The following ATOSB variants were observed in gnomAD, a reference collection of about 807,000 sequenced individuals.
The protein encoded by ATOSB is atos homolog B.
the ATOSB span, among the ~76,000 whole-genome samples, chr9:35,114,422 G>T: frequency 6.6e-6 from 1 of 151,732 alleles, no homozygotes; most frequent in African/African-American, 2.4e-5. Context: ...GGGTGGTTGT[G>T]TGAGGAGGCT....
At chr9:35,108,490 G>A in the ATOSB span, 1 of 1,292,232 alleles carries the variant, frequency 7.7e-7, no homozygotes, top group Non-Finnish European at 1.0e-6. Context: ...TCCCTGGATG[G>A]ACTAATGGAA....
chr9:35,115,250 G>GT, the ATOSB span, among the ~76,000 whole-genome samples: 1 of 152,038 alleles, frequency 6.6e-6, no homozygotes, highest in African/African-American at 2.4e-5. Context: ...TCCTCTCTGA[G>GT]TGCCCAGGCC....
the ATOSB span, among the ~76,000 whole-genome samples, chr9:35,115,038 G>T: frequency 6.6e-6 from 1 of 151,680 alleles, no homozygotes; most frequent in Non-Finnish European, 1.5e-5. Context: ...AGAGCATAAG[G>T]GCAGGGCGGG....
chr9:35,105,925 C>T, the ATOSB span: 1 of 1,614,146 alleles, frequency 6.2e-7, no homozygotes, highest in Non-Finnish European at 8.5e-7. This position sits in a 1 kb window ranked among gnomAD's most constrained non-coding sequence, Gnocchi z 5.5. Context: ...CTCCCACTCC[C>T]TCAGGGCAAA....
the ATOSB span, chr9:35,112,202 T>A: frequency 1.3e-5 from 2 of 152,264 alleles, no homozygotes; most frequent in African/African-American, 4.8e-5. Context: ...GATGTTCTTT[T>A]GCCTTCTTTA....
At chr9:35,105,178 G>A in the ATOSB span, 2 of 1,576,510 alleles carry the variant, frequency 1.3e-6, no homozygotes, top group Non-Finnish European at 1.7e-6. This position sits in a 1 kb window ranked among gnomAD's most constrained non-coding sequence, Gnocchi z 5.5. Context: ...GATGGAGCAG[G>A]ATGGGCAGGT....
chr9:35,108,015 GC>G, the ATOSB span: 7 of 1,556,336 alleles, frequency 4.5e-6, no homozygotes, highest in South Asian at 1.2e-5. Flanking sequence ...TCCCTCTCTG[GC>G]CCCCAGCCCA....
the ATOSB span, chr9:35,105,932 C>A: frequency 2.5e-6 from 4 of 1,613,954 alleles, no homozygotes; most frequent in Admixed American, 3.3e-5. This position sits in a 1 kb window ranked among gnomAD's most constrained non-coding sequence, Gnocchi z 5.5. Flanking sequence ...TCCCTCAGGG[C>A]AAACTCACCA....
the ATOSB span, chr9:35,108,150 GC>G: frequency 1.4e-5 from 22 of 1,577,388 alleles, no homozygotes; most frequent in Admixed American, 1.9e-5. Context: ...GGGGGATGTC[GC>G]CCCCCCTGCT....
At chr9:35,109,135 T>A in the ATOSB span, 1 of 152,242 alleles carries the variant, frequency 6.6e-6, no homozygotes, top group Non-Finnish European at 1.5e-5. Context: ...CTCCTTCTTA[T>A]ATGTCTATCT....
At chr9:35,106,851 C>A in the ATOSB span, 5 of 1,572,076 alleles carry the variant, frequency 3.2e-6, no homozygotes, top group Admixed American at 1.8e-5. This position sits in a 1 kb window ranked among gnomAD's most constrained non-coding sequence, Gnocchi z 4.6. Flanking sequence ...GCGACGGGCT[C>A]CTTTCAGCCT....
At chr9:35,108,377 G>A in the ATOSB span, 2 of 1,420,812 alleles carry the variant, frequency 1.4e-6, no homozygotes, top group Non-Finnish European at 1.8e-6. Flanking sequence ...AGAAAAGGTG[G>A]TCAGGGGAAT....
At chr9:35,108,216 T>C in the ATOSB span, 1 of 1,589,062 alleles carries the variant, frequency 6.3e-7, no homozygotes, top group East Asian at 2.3e-5. Flanking sequence ...GACTGGAGGC[T>C]GTGAAGGGCC....
chr9:35,108,542 T>A, the ATOSB span: 1 of 1,220,490 alleles, frequency 8.2e-7, no homozygotes, highest in African/African-American at 1.6e-5. Flanking sequence ...GTGACAGGTT[T>A]AGCTCAGGCT....
At chr9:35,105,090 C>A in the ATOSB span, 1 of 975,718 alleles carries the variant, frequency 1.0e-6, no homozygotes, top group Non-Finnish European at 1.5e-6. The surrounding 1 kb of genome is among the most constrained non-coding windows in gnomAD (Gnocchi z 5.5). Context: ...CCAAATAATC[C>A]ATTTGGGCGT....
At chr9:35,104,564 C>A in the ATOSB span, 1 of 355,938 alleles carries the variant, frequency 2.8e-6, no homozygotes, top group South Asian at 2.1e-5. Flanking sequence ...ACACACATAC[C>A]ACACAAAGAC....
the ATOSB span, among the ~76,000 whole-genome samples, chr9:35,114,908 C>T: frequency 6.6e-6 from 1 of 152,072 alleles, no homozygotes; most frequent in African/African-American, 2.4e-5. Context: ...TGAGCCCTGC[C>T]GCTGGTTACC....
At chr9:35,114,225 C>A in the ATOSB span, among the ~76,000 whole-genome samples, 1 of 152,216 alleles carries the variant, frequency 6.6e-6, no homozygotes, top group South Asian at 2.1e-4. Context: ...CCGCCCCAGT[C>A]CTGAGGAAGC....
At chr9:35,108,526 G>C in the ATOSB span, 120 of 1,232,552 alleles carry the variant, frequency 9.7e-5, no homozygotes, top group Admixed American at 3.9e-4. Context: ...CAGAACTCCT[G>C]AGAGGGTGAC....
Sources: allele counts gnomAD v4.1 joint callset (sites outside exome capture counted in the v4.1 genomes callset), GRCh38; gene constraint gnomAD v4.1.1; non-coding constraint Gnocchi (gnomAD v3.1); transcripts MANE v1.5; gene names NCBI Gene and HGNC (gene_info 2026-07-23, HGNC 2026-07-21).